MSI2: variants seen among roughly 807,000 people sequenced by gnomAD.
The protein encoded by MSI2 is RNA-binding protein Musashi homolog 2.
A neutral mutation model predicts 45.6 loss-of-function variants in MSI2; 17 were observed. The ratio of observed to expected loss-of-function variants is 0.37; its 90% CI spans 0.26 to 0.56. MSI2 has a LOEUF of 0.56. Among genes scored for constraint, MSI2 ranks in the 20% least tolerant of loss-of-function variants. The probability of loss-of-function intolerance (pLI) is 0.77; values close to 1 mark genes in which losing one functional copy is unlikely to be tolerated. For missense variants in MSI2, 293 were observed against 444.2 expected, an observed-to-expected ratio of 0.66 and a Z score of 3.06; for synonymous variants, 156 against 158.2, an observed-to-expected ratio of 0.99 and a Z score of 0.11.
At chr17:57,649,678 G>C (rs1374474786) in intron 10 of MSI2, among the ~76,000 whole-genome samples, 1 of 152,170 alleles carries the variant, frequency 6.6e-6, no homozygotes, top group African/African-American at 2.4e-5. Flanking sequence ...GGGCCTGTCT[G>C]CCAGGTCATA....
At chr17:57,691,952 A>T in the MSI2 span, among the ~76,000 whole-genome samples, 74 of 152,240 alleles carry the variant, frequency 4.9e-4, 1 homozygote, top group Middle Eastern at 0.01. Flanking sequence ...ATTAAGTATG[A>T]TGTTAGCTGT....
At chr17:57,477,635 C>T (rs2085567258) in intron 6 of MSI2, among the ~76,000 whole-genome samples, 1 of 152,324 alleles carries the variant, frequency 6.6e-6, no homozygotes, top group African/African-American at 2.4e-5. Flanking sequence ...GTAGCTTTTG[C>T]TTATGCATTG....
chr17:57,339,726 A>G (rs1182900585), intron 5 of MSI2, among the ~76,000 whole-genome samples: 2 of 152,250 alleles, frequency 1.3e-5, no homozygotes, highest in Admixed American at 6.5e-5. Flanking sequence ...TCCTGTGATC[A>G]GTCATTGGTA....
intron 5 of MSI2, among the ~76,000 whole-genome samples, chr17:57,333,381 CT>C (rs1261674519): frequency 6.6e-6 from 1 of 151,818 alleles, no homozygotes; most frequent in South Asian, 2.1e-4. Context: ...CCAGCTCTGA[CT>C]TTTTTACAGA....
intron 7 of MSI2, among the ~76,000 whole-genome samples, chr17:57,578,116 C>T (rs923401540): frequency 6.6e-6 from 1 of 152,180 alleles, no homozygotes; most frequent in African/African-American, 2.4e-5. Context: ...CCGCCCCTGC[C>T]CTGGTCCCCT....
At chr17:57,462,111 C>A (rs117196330) in intron 6 of MSI2, among the ~76,000 whole-genome samples, 2,180 of 152,324 alleles carry the variant, frequency 0.014, 26 homozygotes, top group Non-Finnish European at 0.021. Context: ...TGGTGGCTTG[C>A]GGGCAGTCTT....
Position 57,627,714 on chromosome 17 carries a change from C to T in MSI2, c.727+411C>T. 4.3e-6 allele frequency: 1 copy of T among 231,718 alleles called. No individual in the cohort carries two copies. 14.4% of individuals were successfully genotyped at this position (231,718 alleles called of 1,614,324 possible). A position where few individuals can be genotyped will look rare whatever the true frequency, so the allele number is the denominator to read the frequency against. On this transcript the variant is annotated intron_variant, in intron 10 of 13. Coordinates refer to ENST00000284073, the MANE Select transcript of MSI2 (RefSeq NM_138962.4). This position sits in a 1 kb window ranked among gnomAD's most constrained non-coding sequence, Gnocchi z 4.6. ...CACCTGCCCAATGTTTGATGTCTCC[C>T]CGCCCTTGCTTCCTTTCCTCCACCC...
At chr17:57,376,532 C>T (rs1293102232) in intron 5 of MSI2, among the ~76,000 whole-genome samples, 3 of 152,140 alleles carry the variant, frequency 2.0e-5, no homozygotes, top group East Asian at 1.9e-4. Flanking sequence ...CTCATGACCC[C>T]GTGTTCTGGA....
At chr17:57,462,112 G>A (rs1408401446) in intron 6 of MSI2, among the ~76,000 whole-genome samples, 1 of 152,174 alleles carries the variant, frequency 6.6e-6, no homozygotes, top group Non-Finnish European at 1.5e-5. Flanking sequence ...GGTGGCTTGC[G>A]GGCAGTCTTT....
intron 10 of MSI2, among the ~76,000 whole-genome samples, chr17:57,644,434 C>T (rs140648899): frequency 6.6e-6 from 1 of 152,158 alleles, no homozygotes; most frequent in African/African-American, 2.4e-5. Flanking sequence ...TTTCTCTGCA[C>T]AGAAGTCAGG....
At chr17:57,257,410 C>CT (rs369130856) in intron 2 of MSI2, 56 bp from the exon 3 acceptor site, 34,098 of 978,994 alleles carry the variant, frequency 0.035, 620 homozygotes, top group Non-Finnish European at 0.039. Flanking sequence ...ATTTGCATTG[C>CT]TTTTTTTTTC....
chr17:57,609,363 CCAGA>C (rs572566451), intron 8 of MSI2, among the ~76,000 whole-genome samples: 49 of 152,332 alleles, frequency 3.2e-4, no homozygotes, highest in Admixed American at 1.0e-3. Flanking sequence ...TTTCTGTTAG[CCAGA>C]CAGTCAGACG....
At chr17:57,510,409 TTTG>T (rs1001278898) in intron 6 of MSI2, among the ~76,000 whole-genome samples, 1 of 151,412 alleles carries the variant, frequency 6.6e-6, no homozygotes, top group South Asian at 2.1e-4. Flanking sequence ...TGTTTTTTTT[TTTG>T]TTTGTTTGTT....
chr17:57,383,583 C>G (rs2083635322), intron 5 of MSI2, among the ~76,000 whole-genome samples: 1 of 152,216 alleles, frequency 6.6e-6, no homozygotes, highest in Non-Finnish European at 1.5e-5. Flanking sequence ...ATCGCTTGAA[C>G]CCAGGAGGCG....
At chr17:57,566,606 A>G (rs1327698393) in intron 7 of MSI2, among the ~76,000 whole-genome samples, 1 of 152,186 alleles carries the variant, frequency 6.6e-6, no homozygotes, top group Non-Finnish European at 1.5e-5. Context: ...GTATCATTTC[A>G]AGACACAGAA....
At chr17:57,638,625 C>T (rs1389882547) in intron 10 of MSI2, among the ~76,000 whole-genome samples, 1 of 152,174 alleles carries the variant, frequency 6.6e-6, no homozygotes, top group East Asian at 1.9e-4. Flanking sequence ...CACGGTGGCT[C>T]ACTCCTGTGA....
At chr17:57,378,274 T>C (rs1322617595) in intron 5 of MSI2, among the ~76,000 whole-genome samples, 1 of 151,588 alleles carries the variant, frequency 6.6e-6, no homozygotes, top group Non-Finnish European at 1.5e-5. Context: ...GTTTTTATTA[T>C]TTTTTTTGAG....
intron 6 of MSI2, among the ~76,000 whole-genome samples, chr17:57,490,485 T>C (rs1598327485): frequency 6.6e-6 from 1 of 152,194 alleles, no homozygotes; most frequent in Non-Finnish European, 1.5e-5. Context: ...TTAGTCCCAC[T>C]GAAGGTAGAC....
chr17:57,621,883 A>C (rs944721899), intron 9 of MSI2, among the ~76,000 whole-genome samples: 1 of 152,260 alleles, frequency 6.6e-6, no homozygotes, highest in Non-Finnish European at 1.5e-5. Flanking sequence ...TGAGCCGGAC[A>C]AAACCAGAGT....
Sources: allele counts gnomAD v4.1 joint callset (sites outside exome capture counted in the v4.1 genomes callset), GRCh38; gene constraint gnomAD v4.1.1; non-coding constraint Gnocchi (gnomAD v3.1); transcripts MANE v1.5; gene names NCBI Gene and HGNC (gene_info 2026-07-23, HGNC 2026-07-21).